The following ABI3BP variants were observed in gnomAD, a reference collection of about 807,000 sequenced individuals.
ABI3BP encodes the protein ABI family member 3 binding protein, also known as target of Nesh-SH3.
A neutral mutation model predicts 268.6 loss-of-function variants in ABI3BP; 216 were observed. The ratio of observed to expected loss-of-function variants is 0.80; its 90% CI spans 0.72 to 0.90. The LOEUF is 0.90. Among genes scored for constraint, ABI3BP ranks in the 40% least tolerant of loss-of-function variants. The probability of loss-of-function intolerance (pLI) is 0.00; values close to 1 mark genes in which losing one functional copy is unlikely to be tolerated. For missense variants in ABI3BP, 2,090 were observed against 2,182.4 expected (o/e 0.96, Z 0.84); for synonymous variants, 730 against 730.0 (o/e 1.00, Z 0.00).
chr3:100,790,452 G>A (rs565253789), intron 55 of ABI3BP, among the ~76,000 whole-genome samples: 16 of 152,020 alleles, frequency 1.1e-4, no homozygotes, highest in African/African-American at 3.9e-4. Flanking sequence ...CACATATTGA[G>A]TGGATATTTA....
chr3:100,862,173 C>G (rs998600048), intron 14 of ABI3BP, 138 bp downstream of exon 14: 1 of 650,832 alleles, frequency 1.5e-6, no homozygotes, highest in African/African-American at 1.8e-5. Flanking sequence ...TGAGGTTCAT[C>G]TCAGTATCAA....
chr3:100,871,434 T>C (rs1358228829), intron 9 of ABI3BP, among the ~76,000 whole-genome samples: 1 of 152,240 alleles, frequency 6.6e-6, no homozygotes, highest in Non-Finnish European at 1.5e-5. Context: ...CTTCAGTGTG[T>C]GATATGGTTT....
intron 14 of ABI3BP, 124 bp downstream of exon 14, chr3:100,862,187 A>G (rs1240585122): frequency 1.4e-6 from 1 of 717,874 alleles, no homozygotes; most frequent in African/African-American, 1.8e-5. Context: ...GTATCAACAA[A>G]TGTATGATAG....
intron 20 of ABI3BP, among the ~76,000 whole-genome samples, chr3:100,845,570 TA>T (rs1225484609): frequency 6.6e-6 from 1 of 152,176 alleles, no homozygotes; most frequent in Admixed American, 6.5e-5. Flanking sequence ...AACATGCCAT[TA>T]ATGGAAATGC....
chr3:100,985,338 A>G (rs1232466271), intron 1 of ABI3BP, among the ~76,000 whole-genome samples: 2 of 151,384 alleles, frequency 1.3e-5, no homozygotes, highest in African/African-American at 4.9e-5. Flanking sequence ...TTTAGTAGAG[A>G]CAGGGTTTCA....
chr3:100,878,755 C>A (rs1000249306), intron 6 of ABI3BP, among the ~76,000 whole-genome samples: 1 of 145,624 alleles, frequency 6.9e-6, no homozygotes. Context: ...CACGAGCCCA[C>A]CTTAAGAGAA....
At chr3:100,754,792 G>T in intron 63 of ABI3BP, 101 bp from the exon 64 acceptor site, 1 of 956,214 alleles carries the variant, frequency 1.0e-6, no homozygotes. Flanking sequence ...ACATCCCTTT[G>T]AAATTATGAC....
intron 29 of ABI3BP, among the ~76,000 whole-genome samples, chr3:100,833,486 A>G (rs1434063844): frequency 6.6e-6 from 1 of 152,236 alleles, no homozygotes; most frequent in African/African-American, 2.4e-5. Flanking sequence ...GTGAAAGTGT[A>G]GTTACACTAT....
At chr3:100,984,878 G>C (rs766183535) in intron 1 of ABI3BP, among the ~76,000 whole-genome samples, 2 of 152,054 alleles carry the variant, frequency 1.3e-5, no homozygotes, top group Admixed American at 1.3e-4. Context: ...AGGGTATCTA[G>C]TATTAAACAG....
rs1317246256 is a variant in ABI3BP, at chr3:100,824,897, T to A, written c.2707A>T (p.Lys903Ter). Residue 903 changes from lysine (K) to a stop codon, truncating the protein, a stop_gained, in exon 36 of 68, where the codon AAA (lysine) becomes TAA (stop). Transcript: ENST00000471714. LOFTEE classifies it high-confidence loss of function. ...GGTGCCTGAGGGCTCGGTGTAGTTT[T>A]AGGTCTGGGACGTGGAGGGCGGGTT... is the stretch of plus-strand genomic sequence containing the variant. ...KRTRPPRPRP[K>*]TTPSPQAPET... is the part of the protein sequence containing the mutation. The A allele has an allele frequency of 6.5e-7, 1 of 1,536,200 alleles. No individual in the cohort carries two copies. The highest frequency in any genetic ancestry group is 8.7e-7 in the Non-Finnish European group (1 of 1,146,716).
chr3:100,779,126 T>G (rs1413712717), intron 58 of ABI3BP, among the ~76,000 whole-genome samples: 2 of 152,362 alleles, frequency 1.3e-5, no homozygotes, highest in East Asian at 3.9e-4. Flanking sequence ...TGATCCATTC[T>G]CAGCTCTATT....
rs983656133 is a variant in ABI3BP at position 100,824,898 on chromosome 3, A to C, written c.2706T>G (p.Pro902=). ...SKRTRPPRPR[P]KTTPSPQAPE... ...GTGCCTGAGGGCTCGGTGTAGTTTTAGGTCTGGGACGTGGAGGGCGGGTTC... is the reference window on the plus strand; with the variant it reads ...GTGCCTGAGGGCTCGGTGTAGTTTTCGGTCTGGGACGTGGAGGGCGGGTTC... The change falls in exon 36 of 68, where the codon CCT becomes CCG. Residue 902 remains proline (P), a synonymous_variant. Coordinates refer to ENST00000471714, the MANE Select transcript of ABI3BP (RefSeq NM_001375547.2). The C allele has an allele frequency of 1.3e-6, 2 of 1,535,980 alleles. No individual in the cohort carries two copies. Among genetic ancestry groups the C allele is most frequent in the African/African-American group, 2.7e-5 (2 of 73,002 alleles).
chr3:100,861,322 G>C (rs935460752), intron 14 of ABI3BP, among the ~76,000 whole-genome samples: 1 of 152,110 alleles, frequency 6.6e-6, no homozygotes, highest in African/African-American at 2.4e-5. Context: ...ATCTGTGGGG[G>C]CTCATGCTCA....
At chr3:100,965,097 G>T (rs753149893) in intron 1 of ABI3BP, among the ~76,000 whole-genome samples, 6 of 152,148 alleles carry the variant, frequency 3.9e-5, no homozygotes, top group Admixed American at 3.9e-4. Flanking sequence ...CTTATTGGTC[G>T]TTTGCTGCTC....
intron 61 of ABI3BP, among the ~76,000 whole-genome samples, chr3:100,772,951 C>T (rs1429311210): frequency 1.3e-5 from 2 of 151,672 alleles, no homozygotes; most frequent in African/African-American, 4.8e-5. Context: ...GTGACGGGCA[C>T]CTGTAATCTC....
In ABI3BP at chr3:100,808,187, C is replaced by T. The variant is rs202241381; in HGVS notation, c.3656G>A (p.Arg1219His). Reference sequence around the variant, plus strand: ...TGGTTGTGTTTGTGGGATTCTTGGGCGTGGTGATGTTTTTGGCTTAGGAGG... The same window carrying T: ...TGGTTGTGTTTGTGGGATTCTTGGGTGTGGTGATGTTTTTGGCTTAGGAGG... ...RAPPKPKTSP[R>H]PRIPQTQPVP... The change falls in exon 50 of 68, where the codon CGC (arginine) becomes CAC (histidine). Residue 1219 changes from arginine to histidine, a missense_variant. Transcript: ENST00000471714. 515 of 1,610,992 alleles carry T rather than the reference C, an allele frequency of 3.2e-4. No individual in the cohort carries two copies. Among genetic ancestry groups the T allele is most frequent in the Middle Eastern group, 6.6e-4 (4 of 6,062 alleles).
chr3:100,860,652 A>G (rs2098987692), intron 14 of ABI3BP, among the ~76,000 whole-genome samples: 1 of 152,148 alleles, frequency 6.6e-6, no homozygotes, highest in South Asian at 2.1e-4. Context: ...TATATAATTC[A>G]TATGCCAGGT....
chr3:100,969,335 G>A (rs2082566937), intron 1 of ABI3BP, among the ~76,000 whole-genome samples: 1 of 152,146 alleles, frequency 6.6e-6, no homozygotes, highest in Admixed American at 6.5e-5. Context: ...TAGGGCTCTA[G>A]AGCTAGCCAG....
At chr3:100,865,105 T>G (rs566758032) in intron 10 of ABI3BP, among the ~76,000 whole-genome samples, 198 bp from the exon 11 acceptor site, 1 of 152,260 alleles carries the variant, frequency 6.6e-6, no homozygotes, top group South Asian at 2.1e-4. Context: ...CCTTTCTGGG[T>G]TTGCTTTCTA....
Sources: gnomAD v4.1 joint callset for allele counts (sites outside exome capture counted in the v4.1 genomes callset) on GRCh38, gnomAD v4.1.1 for gene constraint, MANE v1.5 for transcripts, NCBI Gene and HGNC (gene_info 2026-07-23, HGNC 2026-07-21) for gene names.